The following ADK variants were observed in gnomAD, a reference collection of about 807,000 sequenced individuals.
The protein encoded by ADK is adenosine kinase.
A neutral mutation model predicts 44.7 loss-of-function variants in ADK; 24 were observed. The observed-to-expected ratio is 0.54, with a 90% CI of 0.39 to 0.76. The LOEUF (loss-of-function observed/expected upper bound fraction) is 0.76. Among genes scored for constraint, ADK ranks in the 30% least tolerant of loss-of-function variants. ADK has a pLI of 0.00. For missense variants in ADK, 321 were observed against 425.1 expected, an observed-to-expected ratio of 0.76 and a Z score of 2.15; for synonymous variants, 128 against 142.6, an observed-to-expected ratio of 0.90 and a Z score of 0.73.
chr10:74,295,456 C>T (rs557289421), intron 3 of ADK, among the ~76,000 whole-genome samples: 1 of 122,792 alleles, frequency 8.1e-6, no homozygotes, highest in Admixed American at 9.0e-5. Context: ...GAGCAAGACT[C>T]TGTCTCAAAA....
chr10:74,385,439 G>A (rs1261186237), intron 4 of ADK, among the ~76,000 whole-genome samples: 2 of 152,168 alleles, frequency 1.3e-5, no homozygotes, highest in Non-Finnish European at 2.9e-5. Context: ...AAGTATATAC[G>A]GTAAGAATTG....
chr10:74,318,465 A>G (rs1031689700), intron 4 of ADK, among the ~76,000 whole-genome samples: 3 of 152,186 alleles, frequency 2.0e-5, no homozygotes, highest in African/African-American at 7.2e-5. Flanking sequence ...CCTGGCTCAA[A>G]TGGCTCATTT....
intron 6 of ADK, among the ~76,000 whole-genome samples, chr10:74,411,468 G>C (rs183938052): frequency 3.3e-4 from 50 of 152,250 alleles, no homozygotes; most frequent in Non-Finnish European, 5.9e-5. Flanking sequence ...TCATATAAAA[G>C]TTATGTTTAC....
chr10:74,457,922 C>T lies in ADK; in HGVS notation c.555+59343C>T, dbSNP rs112784219. Among the ~76,000 whole-genome samples, 44 of 151,970 alleles carry T rather than the reference C, an allele frequency of 2.9e-4. 2 individuals carry two copies. The highest frequency in any genetic ancestry group is 8.3e-4 in the South Asian group (4 of 4,806). Reference sequence around the variant, plus strand: ...TAGGAGAAATACCTAATGTAGATGACGGGTTGATGGGTACAGCAAACCACC... The same window carrying T: ...TAGGAGAAATACCTAATGTAGATGATGGGTTGATGGGTACAGCAAACCACC... On this transcript the variant is annotated intron_variant, in intron 6 of 10. Coordinates refer to ENST00000539909, the MANE Select transcript of ADK (RefSeq NM_006721.4).
At chr10:74,207,077 C>T (rs189702779) in intron 2 of ADK, among the ~76,000 whole-genome samples, 52 of 152,320 alleles carry the variant, frequency 3.4e-4, no homozygotes, top group African/African-American at 1.1e-3. Context: ...TACAGCCACT[C>T]ATGCTGGCTG....
chr10:74,545,916 A>G (rs966515060), intron 7 of ADK, among the ~76,000 whole-genome samples: 8 of 152,176 alleles, frequency 5.3e-5, no homozygotes, highest in South Asian at 2.1e-4. Flanking sequence ...CATCAGTCCA[A>G]TTGGATTGAT....
chr10:74,399,526 C>T (rs1414367592), intron 6 of ADK, among the ~76,000 whole-genome samples: 1 of 151,748 alleles, frequency 6.6e-6, no homozygotes. Context: ...CAAATAAATG[C>T]TTACATTGAG....
chr10:74,626,208 C>T (rs1165437088), intron 9 of ADK, among the ~76,000 whole-genome samples: 2 of 152,072 alleles, frequency 1.3e-5, no homozygotes, highest in Non-Finnish European at 2.9e-5. Flanking sequence ...GTGTCCACTT[C>T]CAGGAGATAG....
intron 2 of ADK, among the ~76,000 whole-genome samples, chr10:74,214,994 GTATCTAGTGATTT>G (rs1843958483): frequency 6.6e-6 from 1 of 152,104 alleles, no homozygotes; most frequent in Admixed American, 6.5e-5. Flanking sequence ...TTTTTGATTT[GTATCTAGTGATTT>G]TTTTCACTCA....
intron 6 of ADK, among the ~76,000 whole-genome samples, chr10:74,520,231 T>TTA (rs1848752439): frequency 6.6e-6 from 1 of 151,992 alleles, no homozygotes; most frequent in South Asian, 2.1e-4. Context: ...TAGATTAAAA[T>TTA]CTACTGTTTC....
chr10:74,356,014 T>TTTG (rs56816597), intron 4 of ADK, among the ~76,000 whole-genome samples: 13,190 of 128,164 alleles, frequency 0.1, 937 homozygotes, highest in Middle Eastern at 0.13. Context: ...TTTTTTTTTT[T>TTTG]TTTTTTTTTT....
chr10:74,554,472 CT>C (rs1164014458), intron 7 of ADK, among the ~76,000 whole-genome samples: 1 of 151,898 alleles, frequency 6.6e-6, no homozygotes, highest in Non-Finnish European at 1.5e-5. Flanking sequence ...GGTTATGTTT[CT>C]TTAAGTTCCA....
chr10:74,404,980 T>C (rs1843861283), intron 6 of ADK, among the ~76,000 whole-genome samples: 1 of 151,752 alleles, frequency 6.6e-6, no homozygotes, highest in Non-Finnish European at 1.5e-5. Flanking sequence ...TTTGCAGCCA[T>C]TATACATCTT....
chr10:74,349,250 G>T (rs1308434650), intron 4 of ADK, among the ~76,000 whole-genome samples: 1 of 152,140 alleles, frequency 6.6e-6, no homozygotes, highest in Non-Finnish European at 1.5e-5. Flanking sequence ...AGAGAGTGGG[G>T]GCCATTATTC....
chr10:74,655,821 GA>G, intron 9 of ADK: 1 of 516,968 alleles, frequency 1.9e-6, no homozygotes, highest in Non-Finnish European at 3.8e-6. Context: ...ACAGGGCAAG[GA>G]CAGAGAGGTG....
At chr10:74,295,646 A>G (rs1839785272) in intron 3 of ADK, among the ~76,000 whole-genome samples, 1 of 151,608 alleles carries the variant, frequency 6.6e-6, no homozygotes, top group South Asian at 2.1e-4. Flanking sequence ...AGTTTTCAGA[A>G]GATATTGTCT....
chr10:74,661,394 A>C (rs1028224777), intron 9 of ADK: 4 of 449,714 alleles, frequency 8.9e-6, no homozygotes, highest in African/African-American at 2.1e-5. Flanking sequence ...GACTCTAGGC[A>C]GTTGACAAAC....
intron 7 of ADK, among the ~76,000 whole-genome samples, chr10:74,562,177 T>C (rs1446020507): frequency 6.6e-6 from 1 of 152,188 alleles, no homozygotes; most frequent in East Asian, 1.9e-4. Flanking sequence ...GTGGAAAACA[T>C]AGTTACAGGG....
intron 7 of ADK, among the ~76,000 whole-genome samples, chr10:74,580,861 A>G (rs575347976): frequency 1.3e-5 from 2 of 152,280 alleles, no homozygotes; most frequent in African/African-American, 4.8e-5. Flanking sequence ...TACCTGAGAA[A>G]GGCATTGTTA....
Sources: allele counts gnomAD v4.1 joint callset (sites outside exome capture counted in the v4.1 genomes callset), GRCh38; gene constraint gnomAD v4.1.1; transcripts MANE v1.5; gene names NCBI Gene and HGNC (gene_info 2026-07-23, HGNC 2026-07-21).